Variants in OLFM1 observed in about 807,000 individuals in gnomAD.
The protein encoded by OLFM1 is olfactomedin 1.
Under a neutral mutation model 49.7 loss-of-function variants are expected in OLFM1, and 9 were observed. The ratio of observed to expected loss-of-function variants is 0.18; its 90% CI spans 0.11 to 0.32. The LOEUF (loss-of-function observed/expected upper bound fraction) is 0.32. Among genes scored for constraint, OLFM1 ranks in the 10% least tolerant of loss-of-function variants. The probability of loss-of-function intolerance (pLI) is 1.00; values close to 1 mark genes in which losing one functional copy is unlikely to be tolerated. For synonymous variants in OLFM1, 240 were observed against 271.8 expected (o/e 0.88, Z 1.15); for missense variants, 369 against 661.8 (o/e 0.56, Z 4.85).
intron 1 of OLFM1, chr9:135,076,540 G>T (rs1299019386): frequency 3.3e-6 from 4 of 1,198,228 alleles, no homozygotes; most frequent in Admixed American, 2.9e-5. Context: ...GCAGGTCTTG[G>T]GGGAGGAGAA....
At chr9:135,077,626 G>A (rs1830485069) in intron 1 of OLFM1, among the ~76,000 whole-genome samples, 1 of 152,142 alleles carries the variant, frequency 6.6e-6, no homozygotes, top group Non-Finnish European at 1.5e-5. Context: ...CACAGCCTCC[G>A]CGGGTCAGGA....
At chr9:135,103,246 A>T (rs1276469577) in intron 4 of OLFM1, among the ~76,000 whole-genome samples, 1 of 152,154 alleles carries the variant, frequency 6.6e-6, no homozygotes, top group Non-Finnish European at 1.5e-5. Flanking sequence ...TCGTGACTGG[A>T]GAGGGACGCT....
intron 2 of OLFM1, among the ~76,000 whole-genome samples, chr9:135,093,658 C>G (rs1249019491): frequency 6.6e-6 from 1 of 152,184 alleles, no homozygotes; most frequent in Non-Finnish European, 1.5e-5. Context: ...CATCCCGTAG[C>G]TCTGTGACCC....
chr9:135,093,485 T>C (rs1321454098), intron 2 of OLFM1, among the ~76,000 whole-genome samples: 1 of 152,160 alleles, frequency 6.6e-6, no homozygotes, highest in East Asian at 1.9e-4. Context: ...TCAAATGAGA[T>C]AAATAACACA....
In OLFM1 at chr9:135,098,410, A is replaced by G. The variant is rs900573516; in HGVS notation, c.581A>G (p.Glu194Gly). ...EVQNLTSVLNELQEEIGAYDY... is the reference protein window; with the variant it reads ...EVQNLTSVLNGLQEEIGAYDY... The stretch of plus-strand genomic sequence containing the variant: ...CAGAATCTGACGTCAGTGCTTAACG[A>G]GCTGCAAGAGGAAATTGGCGCCTAT... Residue 194 changes from glutamate to glycine, a missense_variant, in exon 4 of 6, where the codon GAG (glutamate) becomes GGG (glycine). Physicochemically the swap from Glu to Gly is moderately conservative, Grantham distance 98 (BLOSUM62 -2). Coordinates refer to ENST00000371793, the MANE Select transcript of OLFM1 (RefSeq NM_001282611.2). This position sits in a 1 kb window ranked among gnomAD's most constrained non-coding sequence, Gnocchi z 5.6. The G allele has an allele frequency of 6.2e-7, 1 of 1,613,930 alleles. No homozygotes were observed. Among genetic ancestry groups the G allele is most frequent in the Non-Finnish European group, 8.5e-7 (1 of 1,180,026 alleles).
At chr9:135,107,008 T>C (rs1830954076) in intron 5 of OLFM1, among the ~76,000 whole-genome samples, 153 bp downstream of exon 5, 1 of 152,112 alleles carries the variant, frequency 6.6e-6, no homozygotes, top group South Asian at 2.1e-4. Flanking sequence ...TGGAAGACTT[T>C]CGGGAGGGAC....
Position 135,120,262 on chromosome 9 carries a change from A to C in OLFM1, c.*84A>C. On this transcript the variant is annotated 3_prime_UTR_variant, in exon 6 of 6. Coordinates refer to ENST00000371793, the MANE Select transcript of OLFM1 (RefSeq NM_001282611.2). ...CTGCTGCCAAAAAGATACCAATAAC[A>C]CTAACAATACCGATCTTGAAAAATC... 1 of 1,127,502 alleles carries C rather than the reference A, an allele frequency of 8.9e-7. No homozygotes were observed. 69.8% of individuals were successfully genotyped at this position (1,127,502 alleles called of 1,614,324 possible).
At chr9:135,090,870 A>G (rs1830676697) in intron 2 of OLFM1, among the ~76,000 whole-genome samples, 1 of 152,234 alleles carries the variant, frequency 6.6e-6, no homozygotes, top group South Asian at 2.1e-4. Context: ...ACAGGTGCTC[A>G]TCACCATGAA....
upstream of OLFM1, chr9:135,087,372 G>A (rs1830611578): frequency 6.5e-7 from 1 of 1,546,928 alleles, no homozygotes; most frequent in South Asian, 1.2e-5. Context: ...CCCGGCGTGA[G>A]GATGGGAGAA....
rs536307807 is a variant in OLFM1 at position 135,087,979 on chromosome 9, C to T, written c.-11C>T. 1.4e-6 allele frequency: 2 copies of T among 1,438,946 alleles called. No homozygotes were observed. Among genetic ancestry groups the T allele is most frequent in the African/African-American group, 1.5e-5 (1 of 67,658 alleles). 89.1% of individuals were successfully genotyped at this position (1,438,946 alleles called of 1,614,324 possible). On this transcript the variant is annotated 5_prime_UTR_variant, in exon 1 of 6. Coordinates refer to ENST00000371793, the MANE Select transcript of OLFM1 (RefSeq NM_001282611.2). ...AGCTCGGAGCGGGCGCTGGAGGCAG[C>T]TCGAGGCGCGATGTCGGTGCCGCTG...
At chr9:135,082,342 G>T (rs1830543624) in intron 1 of OLFM1, among the ~76,000 whole-genome samples, 1 of 152,158 alleles carries the variant, frequency 6.6e-6, no homozygotes, top group South Asian at 2.1e-4. Flanking sequence ...TATACAAGTT[G>T]TCTTCGGGGA....
intron 5 of OLFM1, among the ~76,000 whole-genome samples, chr9:135,111,660 C>T (rs1361206979): frequency 1.3e-5 from 2 of 152,128 alleles, no homozygotes; most frequent in East Asian, 1.9e-4. Context: ...CGGAGCTGCT[C>T]CACACTGGAG....
chr9:135,086,510 C>A, upstream of OLFM1: 1 of 403,064 alleles, frequency 2.5e-6, no homozygotes. Context: ...CTTTCAAATC[C>A]CATCCAGGAA....
intron 5 of OLFM1, among the ~76,000 whole-genome samples, chr9:135,108,375 T>A (rs571878481): frequency 3.3e-5 from 5 of 152,262 alleles, no homozygotes; most frequent in Admixed American, 2.6e-4. Flanking sequence ...GGCTCACACC[T>A]GTAATCCCAG....
chr9:135,092,907 G>A (rs1188834754), intron 2 of OLFM1, among the ~76,000 whole-genome samples: 1 of 152,162 alleles, frequency 6.6e-6, no homozygotes, highest in African/African-American at 2.4e-5. Flanking sequence ...AGCTTCCCCC[G>A]CACACCCTGG....
intron 1 of OLFM1, among the ~76,000 whole-genome samples, chr9:135,078,965 A>C (rs80289763): frequency 1.1e-4 from 17 of 152,072 alleles, no homozygotes; most frequent in African/African-American, 3.9e-4. Context: ...TCTTGAGTAA[A>C]ATCCCTTCCT....
exon 1 of OLFM1, chr9:135,075,729 A>G: frequency 6.2e-7 from 1 of 1,602,928 alleles, no homozygotes; most frequent in Non-Finnish European, 8.5e-7. Context: ...TGGAGGTGGC[A>G]GCGAGACATG....
At chr9:135,092,539 AT>A (rs1321783263) in intron 2 of OLFM1, among the ~76,000 whole-genome samples, 1 of 152,226 alleles carries the variant, frequency 6.6e-6, no homozygotes, top group African/African-American at 2.4e-5. Context: ...TGAGCCTTTA[AT>A]TATTCAGAAG....
intron 1 of OLFM1, among the ~76,000 whole-genome samples, chr9:135,079,492 C>G (rs1375736320): frequency 6.6e-6 from 1 of 152,146 alleles, no homozygotes; most frequent in Non-Finnish European, 1.5e-5. Context: ...ATAATCCCAG[C>G]TACTCAGGAG....
Sources: allele counts gnomAD v4.1 joint callset (sites outside exome capture counted in the v4.1 genomes callset), GRCh38; gene constraint gnomAD v4.1.1; non-coding constraint Gnocchi (gnomAD v3.1); transcripts MANE v1.5; gene names NCBI Gene and HGNC (gene_info 2026-07-23, HGNC 2026-07-21).